Variants in ULK2 observed in about 807,000 individuals in gnomAD.
ULK2 encodes unc-51 like autophagy activating kinase 2.
Under a neutral mutation model 127.5 loss-of-function variants are expected in ULK2, and 76 were observed. The ratio of observed to expected loss-of-function variants is 0.60; its 90% CI spans 0.50 to 0.72. ULK2 has a LOEUF of 0.72. ULK2 is among the 30% of genes least tolerant of loss of function. The pLI is 0.00. For missense variants in ULK2, 1,144 were observed against 1,295.9 expected (o/e 0.88, Z 1.80); for synonymous variants, 452 against 461.9 (o/e 0.98, Z 0.28).
chr17:19,833,950 A>G (rs139433673), intron 10 of ULK2, among the ~76,000 whole-genome samples: 163 of 152,348 alleles, frequency 1.1e-3, no homozygotes, highest in African/African-American at 3.5e-3. Flanking sequence ...ATTTATTTAT[A>G]TATCCAAAAA....
At chr17:19,821,300 C>CT (rs2041136798) in intron 12 of ULK2, among the ~76,000 whole-genome samples, 1 of 152,098 alleles carries the variant, frequency 6.6e-6, no homozygotes, top group African/African-American at 2.4e-5. Context: ...GAGTGAGACT[C>CT]TGTCTCAAAA....
chr17:19,796,400 G>A, intron 18 of ULK2, 118 bp from the exon 19 acceptor site: 1 of 957,942 alleles, frequency 1.0e-6, no homozygotes, highest in African/African-American at 1.7e-5. Context: ...TAGGTCGGGT[G>A]GTGGGAAAAA....
chr17:19,819,627 T>C (rs545368156), intron 12 of ULK2, among the ~76,000 whole-genome samples: 1 of 152,316 alleles, frequency 6.6e-6, no homozygotes, highest in Admixed American at 6.5e-5. Flanking sequence ...ATACAACACA[T>C]TCATGCCTGT....
At chr17:19,808,388 A>G (rs1006423947) in intron 14 of ULK2, among the ~76,000 whole-genome samples, 3 of 152,220 alleles carry the variant, frequency 2.0e-5, no homozygotes, top group Admixed American at 2.0e-4. Context: ...TTTCTTGAAT[A>G]TGATGCCAAA....
intron 10 of ULK2, among the ~76,000 whole-genome samples, chr17:19,830,630 A>G (rs1045273665): frequency 6.6e-6 from 1 of 152,112 alleles, no homozygotes; most frequent in South Asian, 2.1e-4. Context: ...AAAAAAAAAA[A>G]AAAAAAAACT....
intron 16 of ULK2, 73 bp from the exon 17 acceptor site, chr17:19,799,648 G>C (rs1041486784): frequency 2.2e-6 from 3 of 1,386,374 alleles, no homozygotes; most frequent in Non-Finnish European, 2.9e-6. Context: ...ATGGCAACAG[G>C]CAACACATGC....
chr17:19,790,944 C>T (rs1038385069), intron 20 of ULK2, among the ~76,000 whole-genome samples: 3 of 152,118 alleles, frequency 2.0e-5, no homozygotes, highest in African/African-American at 7.2e-5. Flanking sequence ...GGGGTCAATT[C>T]GGCAAGAGGA....
chr17:19,863,284 G>C (rs2152403603), intron 3 of ULK2, among the ~76,000 whole-genome samples: 1 of 151,910 alleles, frequency 6.6e-6, no homozygotes, highest in East Asian at 1.9e-4. Flanking sequence ...GTTTTAGCTA[G>C]AAATATATAT....
rs2086798841 is a variant in ULK2, at chr17:19,775,570, G to GT, written c.*778dup. ...AAAATCTGTAGGTGTAGATAAAGAA[G>GT]TAAAAAAAAAAAATGTGCAAAGGTT... On this transcript the variant is annotated 3_prime_UTR_variant, in exon 27 of 27. Coordinates refer to ENST00000395544, the MANE Select transcript of ULK2 (RefSeq NM_014683.4). The GT allele has an allele frequency of 2.8e-4, 5 of 17,964 alleles. No homozygotes were observed. The highest frequency in any genetic ancestry group is 2.3e-3 in the Admixed American group (5 of 2,166). The allele number at this position is 17,964 out of a possible 1,614,324, so 1.1% of individuals were successfully genotyped here. A position where few individuals can be genotyped will look rare whatever the true frequency, so the allele number is the denominator to read the frequency against.
intron 11 of ULK2, 57 bp downstream of exon 11, chr17:19,826,082 T>TA: frequency 9.7e-7 from 1 of 1,028,642 alleles, no homozygotes; most frequent in South Asian, 2.7e-5. Flanking sequence ...AAATCATTAA[T>TA]TTTTCCTAAA....
At position 19,867,706 on chromosome 17, in the gene ULK2, G is replaced by T. The variant is rs1220473118; in HGVS notation, c.-289C>A. On this transcript the variant is annotated 5_prime_UTR_variant, in exon 1 of 27. Transcript: ENST00000395544. ...CGGCCTCGGCGCTGCCGGGCCAGGG[G>T]TGCCGTCACCGTCACTGTGCGCGCC... The T allele has an allele frequency of 1.1e-5, 2 of 188,746 alleles. No individual in the cohort carries two copies. Among genetic ancestry groups the T allele is most frequent in the Admixed American group, 6.2e-5 (1 of 16,238 alleles). The allele number at this position is 188,746 out of a possible 1,614,324, so 11.7% of individuals were successfully genotyped here. A position where few individuals can be genotyped will look rare whatever the true frequency, so the allele number is the denominator to read the frequency against.
intron 10 of ULK2, among the ~76,000 whole-genome samples, chr17:19,832,334 C>G (rs1407254249): frequency 6.6e-6 from 1 of 150,446 alleles, no homozygotes; most frequent in African/African-American, 2.5e-5. Context: ...GTGGCATGAC[C>G]ACAGCTCACT....
At chr17:19,786,318 C>T (rs1430075265) in intron 20 of ULK2, among the ~76,000 whole-genome samples, 4 of 151,912 alleles carry the variant, frequency 2.6e-5, no homozygotes, top group Admixed American at 2.0e-4. Flanking sequence ...CAAAATTTAG[C>T]ATTCAGAGTT....
At chr17:19,858,528 A>G (rs556021562) in intron 3 of ULK2, among the ~76,000 whole-genome samples, 1 of 152,332 alleles carries the variant, frequency 6.6e-6, no homozygotes, top group South Asian at 2.1e-4. Context: ...CATCTCATTA[A>G]CCAGCTCAAG....
At chr17:19,811,140 T>C (rs1414393464) in intron 13 of ULK2, 2 of 150,278 alleles carry the variant, frequency 1.3e-5, no homozygotes, top group East Asian at 2.0e-4. Flanking sequence ...TAAAGGAAAA[T>C]AAATCAGGGT....
At chr17:19,780,174 GA>G (rs1334582543) in intron 25 of ULK2, among the ~76,000 whole-genome samples, 78 of 86,350 alleles carry the variant, frequency 9.0e-4, no homozygotes, top group Middle Eastern at 5.7e-3. Flanking sequence ...TCCGTCTCAA[GA>G]AAAAAAAAAA....
Position 19,780,618 on chromosome 17 carries a change from G to C in ULK2, c.2770C>G (p.Leu924Val). Reference protein sequence around the residue: ...STAVKQVVKNLNERYKFCITM... With the variant: ...STAVKQVVKNVNERYKFCITM... ...ATGCAGAATTTATATCGTTCGTTCA[G>C]ATTCTTGACAACTGAAAAAAAATTG... Residue 924 changes from leucine (L) to valine (V), a missense_variant, in exon 25 of 27, where the codon CTG becomes GTG. Physicochemically the swap from Leu to Val is conservative, Grantham distance 32. Around this residue, in one of 2 missense-constraint regions of ULK2, gnomAD observed 913 missense variants for 970.5 expected, o/e 0.94. Transcript: ENST00000395544. 6.3e-7 allele frequency: 1 copy of C among 1,599,062 alleles called. No homozygotes were observed. Among genetic ancestry groups the C allele is most frequent in the Non-Finnish European group, 8.5e-7 (1 of 1,175,284 alleles).
chr17:19,810,017 A>G (rs1398399844), intron 14 of ULK2, among the ~76,000 whole-genome samples: 2 of 152,138 alleles, frequency 1.3e-5, no homozygotes, highest in East Asian at 1.9e-4. Context: ...GGATCATGAG[A>G]TCAGGAGATC....
rs760247958 is a variant in ULK2, at chr17:19,785,987, G to A, written c.2201C>T (p.Ala734Val). Residue 734 changes from alanine (A) to valine (V), a missense_variant, in exon 21 of 27, where the codon GCG becomes GTG. Ala to Val is a moderately conservative substitution (Grantham distance 64). Coordinates refer to ENST00000395544, the MANE Select transcript of ULK2 (RefSeq NM_014683.4). ...LFTVGSPPHS[A>V]AAPTCTHMFL... ...CATGTGGGTACAAGTGGGGGCTGCC[G>A]CACTGTGTGGAGGAGACCCTACAGT... The A allele has an allele frequency of 8.1e-6, 13 of 1,595,652 alleles. No individual in the cohort carries two copies. The highest frequency in any genetic ancestry group is 1.7e-4 in the Middle Eastern group (1 of 5,994).
Sources: allele counts gnomAD v4.1 joint callset (sites outside exome capture counted in the v4.1 genomes callset), GRCh38; gene constraint gnomAD v4.1.1; regional missense constraint gnomAD v4.1.1; transcripts MANE v1.5; gene names NCBI Gene and HGNC (gene_info 2026-07-23, HGNC 2026-07-21).